The following PCDHA9 variants were observed in gnomAD, a reference collection of about 807,000 sequenced individuals.
PCDHA9 encodes protocadherin alpha-9.
A neutral mutation model predicts 62.0 loss-of-function variants in PCDHA9; 62 were observed. The observed-to-expected ratio is 1.00, with a 90% CI of 0.81 to 1.23. PCDHA9 has a LOEUF of 1.23. Among genes scored for constraint, PCDHA9 ranks in the 50% most tolerant of loss-of-function variants. PCDHA9 has a pLI of 0.00. For synonymous variants in PCDHA9, 557 were observed against 567.6 expected (o/e 0.98, Z 0.27); for missense variants, 1,205 against 1,249.8 (o/e 0.96, Z 0.54).
At chr5:140,917,324 C>CGGG (rs1299895515) in intron 1 of PCDHA9, among the ~76,000 whole-genome samples, 10 of 76,182 alleles carry the variant, frequency 1.3e-4, no homozygotes, top group South Asian at 4.5e-4. Flanking sequence ...GTTCATGTGG[C>CGGG]GGGGGAGGGG....
intron 1 of PCDHA9, chr5:140,868,241 T>C (rs1042254119): frequency 2.0e-5 from 3 of 152,140 alleles, no homozygotes; most frequent in Non-Finnish European, 4.4e-5. Flanking sequence ...TCTAGATCAA[T>C]AGACTTTTCC....
intron 1 of PCDHA9, chr5:140,969,446 C>A (rs782526198): frequency 6.5e-7 from 1 of 1,541,082 alleles, no homozygotes; most frequent in African/African-American, 1.4e-5. Flanking sequence ...ATCTGGTAAA[C>A]TGAGTATATA....
At chr5:140,918,074 G>T (rs546551059) in intron 1 of PCDHA9, among the ~76,000 whole-genome samples, 1 of 152,096 alleles carries the variant, frequency 6.6e-6, no homozygotes, top group South Asian at 2.1e-4. Context: ...TCTTTCAGTA[G>T]TGTTTTATAA....
At chr5:140,949,944 T>TTTAGTGG (rs2094435490) in intron 1 of PCDHA9, among the ~76,000 whole-genome samples, 1 of 151,908 alleles carries the variant, frequency 6.6e-6, no homozygotes, top group South Asian at 2.1e-4. Context: ...ATTTGCATTT[T>TTTAGTGG]TTAGTGGTTG....
intron 1 of PCDHA9, among the ~76,000 whole-genome samples, chr5:140,937,010 C>A (rs2091260078): frequency 6.6e-6 from 1 of 151,324 alleles, no homozygotes; most frequent in Non-Finnish European, 1.5e-5. Context: ...GACAGACAAC[C>A]GATTAACAAG....
rs57893927 is a variant in PCDHA9, at chr5:140,946,631, T to TATATATATATATATATATATATAC, written c.2395-32317_2395-32316insTATATATATATATATATATATACA. Among the ~76,000 whole-genome samples the TATATATATATATATATATATATAC allele has an allele frequency of 2.6e-3, 340 of 131,752 alleles. 23 individuals carry two copies. The highest frequency in any genetic ancestry group is 0.011 in the African/African-American group (303 of 28,632). The allele number at this position is 131,752 out of a possible 152,430, so 86.4% of individuals were successfully genotyped here. On this transcript the variant is annotated intron_variant, in intron 1 of 3. Transcript: ENST00000532602. ...TGTGAAATATATATATATATATATA[T>TATATATATATATATATATATATAC]ACAATGGAATACTCATCAGCCATTA...
intron 1 of PCDHA9, chr5:140,857,896 T>G: frequency 6.3e-7 from 1 of 1,597,704 alleles, no homozygotes; most frequent in Admixed American, 1.7e-5. Flanking sequence ...CGGCGGTTGG[T>G]GCACGCATCC....
intron 1 of PCDHA9, chr5:140,863,111 C>T (rs782266273): frequency 1.2e-5 from 7 of 585,488 alleles, no homozygotes; most frequent in Non-Finnish European, 1.7e-5. Context: ...CTGGACGAGG[C>T]GAAAGCTACG....
intron 1 of PCDHA9, among the ~76,000 whole-genome samples, chr5:140,903,212 A>C (rs1387552422): frequency 6.6e-6 from 1 of 152,192 alleles, no homozygotes; most frequent in African/African-American, 2.4e-5. Flanking sequence ...CACCACATTC[A>C]TGCCAACATC....
Position 140,881,767 on chromosome 5 carries a change from C to T in PCDHA9, c.2394+30878C>T, listed in dbSNP as rs923432967. Among the ~76,000 whole-genome samples, 13 of 152,322 alleles carry T rather than the reference C, an allele frequency of 8.5e-5. No homozygotes were observed. In the East Asian group the frequency reaches 2.1e-3, roughly 25 times the overall value. On this transcript the variant is annotated intron_variant, in intron 1 of 3. Coordinates refer to ENST00000532602, the MANE Select transcript of PCDHA9 (RefSeq NM_031857.2). ...GACAGTACCACAAAAACCTACATGA[C>T]TATGCAGAACTACCGATCAATTGTC...
At chr5:140,880,842 T>C (rs1554171525) in intron 1 of PCDHA9, among the ~76,000 whole-genome samples, 1 of 152,194 alleles carries the variant, frequency 6.6e-6, no homozygotes, top group East Asian at 1.9e-4. Flanking sequence ...TTTAAATGGT[T>C]GACTATGTAG....
At chr5:140,851,290 G>A (rs2042014989) in intron 1 of PCDHA9, 2 of 1,033,710 alleles carry the variant, frequency 1.9e-6, no homozygotes, top group Non-Finnish European at 2.4e-6. Flanking sequence ...AGAAACCCAA[G>A]CAAAAATATA....
chr5:140,892,310 A>AT (rs1422110989), intron 1 of PCDHA9, among the ~76,000 whole-genome samples: 1 of 152,230 alleles, frequency 6.6e-6, no homozygotes, highest in Non-Finnish European at 1.5e-5. Flanking sequence ...TTTGGGGCTT[A>AT]TAACATTTTC....
At chr5:140,853,090 A>T in intron 1 of PCDHA9, 2 of 331,170 alleles carry the variant, frequency 6.0e-6, no homozygotes, top group Non-Finnish European at 8.8e-6. Flanking sequence ...CGTGTTAGTC[A>T]GGATGGTCTC....
At chr5:141,007,395 CAAAAA>C (rs35800918) in intron 3 of PCDHA9, among the ~76,000 whole-genome samples, 1 of 94,866 alleles carries the variant, frequency 1.1e-5, no homozygotes, top group Non-Finnish European at 2.1e-5. Flanking sequence ...TACTAAAATA[CAAAAA>C]AAAAAAAAAA....
intron 1 of PCDHA9, among the ~76,000 whole-genome samples, chr5:140,872,315 AAAT>A (rs1554166135): frequency 1.3e-5 from 2 of 152,130 alleles, no homozygotes. Context: ...TGCTTTATGG[AAAT>A]AATATGACTA....
In PCDHA9 at chr5:141,010,336, G is replaced by A. The variant is rs1297379181; in HGVS notation, c.*399G>A. ...AGATTGAGCAGCTTGGGAGTTTGTG[G>A]CCACTGGGTATGTGTGGCTACCGCG... On this transcript the variant is annotated 3_prime_UTR_variant, in exon 4 of 4. Coordinates refer to ENST00000532602, the MANE Select transcript of PCDHA9 (RefSeq NM_031857.2). 25 of 1,535,806 alleles carry A rather than the reference G, an allele frequency of 1.6e-5. No individual in the cohort carries two copies. The highest frequency in any genetic ancestry group is 2.2e-5 in the Non-Finnish European group (25 of 1,141,450).
chr5:140,883,616 G>T (rs781929949), intron 1 of PCDHA9: 69 of 1,613,896 alleles, frequency 4.3e-5, no homozygotes, highest in Non-Finnish European at 5.7e-5. Flanking sequence ...CGACGTGAAC[G>T]ACAACGCGCC....
At chr5:140,994,636 T>C (rs1243732393) in intron 3 of PCDHA9, among the ~76,000 whole-genome samples, 1 of 151,996 alleles carries the variant, frequency 6.6e-6, no homozygotes, top group Admixed American at 6.6e-5. Flanking sequence ...ACCTGGAAGG[T>C]GGAGGTTGCA....
Sources: allele counts gnomAD v4.1 joint callset (sites outside exome capture counted in the v4.1 genomes callset), GRCh38; gene constraint gnomAD v4.1.1; transcripts MANE v1.5; gene names NCBI Gene and HGNC (gene_info 2026-07-23, HGNC 2026-07-21).